The following RBFOX1 variants were observed in gnomAD, a reference collection of about 807,000 sequenced individuals.
RBFOX1 encodes the protein RNA binding protein fox-1 homolog 1.
RBFOX1 carries 8 observed loss-of-function variants against 57.7 expected under a neutral mutation model. The observed-to-expected ratio is 0.14, with a 90% CI of 0.08 to 0.25. RBFOX1 has a LOEUF of 0.25. Ranked by LOEUF, RBFOX1 falls within the 10% of genes least tolerant of loss-of-function variation. RBFOX1 has a pLI of 1.00. For synonymous variants in RBFOX1, 326 were observed against 222.4 expected, an observed-to-expected ratio of 1.47 and a Z score of -4.15; for missense variants, 611 against 548.5, an observed-to-expected ratio of 1.11 and a Z score of -1.14.
intron 3 of RBFOX1, among the ~76,000 whole-genome samples, chr16:6,950,877 C>G (rs191922469): frequency 6.6e-5 from 10 of 151,026 alleles, no homozygotes; most frequent in Non-Finnish European, 1.5e-4. Context: ...CTCTCTTTCT[C>G]TCTTTCTGTT....
In RBFOX1 at chr16:7,426,920, A is replaced by G. The variant is rs140263272; in HGVS notation, c.28-91227A>G. On this transcript the variant is annotated intron_variant, in intron 4 of 15. Coordinates refer to ENST00000550418, the MANE Select transcript of RBFOX1 (RefSeq NM_018723.4). ...AGTCTGTGGCAGATACACACCATGG[A>G]ATACTATGCAGCCATAAAAAAGGAT... is the stretch of plus-strand genomic sequence containing the variant. 2.1e-3 allele frequency among the ~76,000 whole-genome samples: 313 copies of G among 152,326 alleles called. 5 individuals carry two copies. Among genetic ancestry groups the G allele is most frequent in the Middle Eastern group, 0.01 (3 of 294 alleles).
chr16:7,285,676 C>T (rs920824422), intron 4 of RBFOX1, among the ~76,000 whole-genome samples: 2 of 152,140 alleles, frequency 1.3e-5, no homozygotes, highest in African/African-American at 4.8e-5. Flanking sequence ...ACGTAATTCC[C>T]TGGAGACTCA....
intron 1 of RBFOX1, among the ~76,000 whole-genome samples, chr16:5,428,208 C>G (rs547453346): frequency 6.6e-6 from 1 of 152,096 alleles, no homozygotes; most frequent in South Asian, 2.1e-4. Context: ...ACTGAACTTC[C>G]CCATGGCAGA....
intron 1 of RBFOX1, among the ~76,000 whole-genome samples, chr16:6,142,926 C>T (rs1204897653): frequency 3.3e-5 from 5 of 152,198 alleles, no homozygotes; most frequent in Non-Finnish European, 5.9e-5. Context: ...TCCCTCTCTT[C>T]CCTCCTCTGT....
chr16:6,017,316 C>A (rs528977807), upstream of RBFOX1, among the ~76,000 whole-genome samples: 20 of 152,260 alleles, frequency 1.3e-4, no homozygotes, highest in Non-Finnish European at 2.8e-4. Flanking sequence ...CCATTTATTT[C>A]TTCTATCATT....
intron 2 of RBFOX1, among the ~76,000 whole-genome samples, chr16:6,318,392 T>A (rs1256687637): frequency 6.6e-6 from 1 of 152,216 alleles, no homozygotes; most frequent in East Asian, 1.9e-4. Context: ...ATGAAGTCTG[T>A]TCAAATCTAT....
intron 4 of RBFOX1, among the ~76,000 whole-genome samples, chr16:7,143,894 CT>C (rs1371654907): frequency 6.6e-6 from 1 of 152,140 alleles, no homozygotes; most frequent in Non-Finnish European, 1.5e-5. Context: ...TATATAGTCC[CT>C]AGGAGCTATT....
At chr16:6,864,579 C>T (rs1339817863) in intron 3 of RBFOX1, among the ~76,000 whole-genome samples, 10 of 146,480 alleles carry the variant, frequency 6.8e-5, no homozygotes, top group Non-Finnish European at 1.5e-4. Flanking sequence ...TGGCCTAATA[C>T]ATCAAAACAG....
At chr16:7,070,979 G>C (rs1313494769) in intron 4 of RBFOX1, among the ~76,000 whole-genome samples, 1 of 152,138 alleles carries the variant, frequency 6.6e-6, no homozygotes, top group Non-Finnish European at 1.5e-5. Flanking sequence ...TTTGCCCAGA[G>C]TGGCATGTTG....
At chr16:6,922,063 A>G (rs577284850) in intron 3 of RBFOX1, among the ~76,000 whole-genome samples, 2 of 152,194 alleles carry the variant, frequency 1.3e-5, no homozygotes, top group African/African-American at 2.4e-5. Context: ...TGGTATTACT[A>G]TTCAGGTTAA....
intron 3 of RBFOX1, among the ~76,000 whole-genome samples, chr16:5,783,170 C>T (rs1026174880): frequency 2.0e-5 from 3 of 151,840 alleles, no homozygotes; most frequent in African/African-American, 7.3e-5. Flanking sequence ...TGCAAAAACA[C>T]ACAATATTTA....
intron 3 of RBFOX1, among the ~76,000 whole-genome samples, chr16:6,708,178 G>T (rs915937692): frequency 6.6e-6 from 1 of 152,010 alleles, no homozygotes; most frequent in Non-Finnish European, 1.5e-5. Flanking sequence ...TTTTCCCCTT[G>T]TTTCTTATTA....
chr16:7,161,904 C>G (rs964942442), intron 4 of RBFOX1, among the ~76,000 whole-genome samples: 7 of 152,220 alleles, frequency 4.6e-5, no homozygotes, highest in African/African-American at 1.7e-4. Flanking sequence ...TGTTTATTCT[C>G]CCTGGTAAAC....
intron 1 of RBFOX1, among the ~76,000 whole-genome samples, chr16:5,376,872 C>T (rs561140729): frequency 2.0e-5 from 3 of 151,680 alleles, no homozygotes; most frequent in Non-Finnish European, 2.9e-5. Context: ...GGTTCTGCGT[C>T]ATCTCCAAGT....
At chr16:5,388,763 G>A (rs2066322995) in intron 1 of RBFOX1, among the ~76,000 whole-genome samples, 1 of 151,752 alleles carries the variant, frequency 6.6e-6, no homozygotes, top group Admixed American at 6.6e-5. Context: ...TTTTAATAGA[G>A]ACAGGGTTTC....
chr16:7,367,946 C>T (rs764705735), intron 4 of RBFOX1, among the ~76,000 whole-genome samples: 1 of 151,508 alleles, frequency 6.6e-6, no homozygotes. Context: ...CATCATTAGC[C>T]CAAGGGTCAC....
intron 1 of RBFOX1, among the ~76,000 whole-genome samples, chr16:5,434,162 C>G (rs935582188): frequency 8.5e-5 from 13 of 152,056 alleles, no homozygotes; most frequent in Non-Finnish European, 1.5e-4. Flanking sequence ...TTTAACATTA[C>G]ATTATTGTTG....
chr16:6,450,857 A>ACATATATATATGTG lies in RBFOX1; in HGVS notation c.-64+133800_-64+133801insCATATATATATGTG, dbSNP rs2094602539. Reference sequence around the variant, plus strand: ...TATATGTGTATATATATATATATATATATATATATATATATATCTCCTCTG... The same window carrying ACATATATATATGTG: ...TATATGTGTATATATATATATATATACATATATATATGTGTATATATATATATATATCTCCTCTG... On this transcript the variant is annotated intron_variant, in intron 2 of 15. Transcript: ENST00000550418. Among the ~76,000 whole-genome samples, 3 of 82,746 alleles carry ACATATATATATGTG rather than the reference A, an allele frequency of 3.6e-5. 1 individual carries two copies. The highest frequency in any genetic ancestry group is 1.6e-4 in the African/African-American group (3 of 18,968). The allele number at this position is 82,746 out of a possible 152,430, so 54.3% of individuals were successfully genotyped here. A position where few individuals can be genotyped will look rare whatever the true frequency, so the allele number is the denominator to read the frequency against.
intron 2 of RBFOX1, among the ~76,000 whole-genome samples, chr16:6,486,082 C>CTTTTTTTTTTTTTTTTTTTTTTTTT (rs71145234): frequency 1.6e-5 from 1 of 62,966 alleles, no homozygotes; most frequent in African/African-American, 7.0e-5. Flanking sequence ...CAGTAAAAGG[C>CTTTTTTTTTTTTTTTTTTTTTTTTT]TTTTTTTTTT....
Sources: gnomAD v4.1 joint callset for allele counts (sites outside exome capture counted in the v4.1 genomes callset) on GRCh38, gnomAD v4.1.1 for gene constraint, MANE v1.5 for transcripts, NCBI Gene and HGNC (gene_info 2026-07-23, HGNC 2026-07-21) for gene names.